The following RPL19 variants were observed in gnomAD, a reference collection of about 807,000 sequenced individuals.
The protein encoded by RPL19 is large ribosomal subunit protein eL19.
Under a neutral mutation model 25.1 loss-of-function variants are expected in RPL19, and 2 were observed. That is an observed-to-expected ratio of 0.08 (90% CI 0.03 to 0.25). RPL19 has a LOEUF of 0.25. Among genes scored for constraint, RPL19 ranks in the 10% least tolerant of loss-of-function variants. The pLI, the probability that RPL19 is intolerant of heterozygous loss-of-function variation, is 1.00. For synonymous variants in RPL19, 89 were observed against 91.2 expected (o/e 0.98, Z 0.14); for missense variants, 123 against 271.8 (o/e 0.45, Z 3.85).
chr17:39,201,149 T>G (rs1408746356), intron 1 of RPL19, 64 bp from the exon 2 acceptor site: 2 of 1,074,072 alleles, frequency 1.9e-6, no homozygotes, highest in Non-Finnish European at 2.8e-6. Flanking sequence ...CAGGTCTTGA[T>G]GGGGACGTTC....
At chr17:39,203,147 C>G in intron 4 of RPL19, 38 bp downstream of exon 4, 1 of 1,230,692 alleles carries the variant, frequency 8.1e-7, no homozygotes. Flanking sequence ...CCATTTGCTG[C>G]TTTGATGGCT....
At chr17:39,200,468 C>T (rs994915469) in intron 1 of RPL19, 119 bp downstream of exon 1, 7 of 1,218,636 alleles carry the variant, frequency 5.7e-6, no homozygotes, top group Admixed American at 4.4e-5. Context: ...CGGCCGGTCC[C>T]GGGGTTTGGG....
At position 39,204,709 on chromosome 17, in the gene RPL19, A is replaced by T; in HGVS notation, c.*61A>T. ...GATTACATAGATCAGCCATTAAAAT[A>T]AAACAAGCCTTAATCTGCCTTCCTC... On this transcript the variant is annotated 3_prime_UTR_variant, in exon 6 of 6. Coordinates refer to ENST00000225430, the MANE Select transcript of RPL19 (RefSeq NM_000981.4). The T allele has an allele frequency of 1.9e-6, 3 of 1,544,242 alleles. No individual in the cohort carries two copies. The highest frequency in any genetic ancestry group is 2.7e-6 in the Non-Finnish European group (3 of 1,127,956).
chr17:39,204,541 C>T lies in RPL19; in HGVS notation c.484C>T (p.Arg162Cys). 1 of 1,614,140 alleles carries T rather than the reference C, an allele frequency of 6.2e-7. No homozygotes were observed. The highest frequency in any genetic ancestry group is 8.5e-7 in the Non-Finnish European group (1 of 1,180,012). The change falls in exon 6 of 6, where the codon CGC becomes TGC. Residue 162 changes from arginine to cysteine, a missense_variant. Arg to Cys is a radical substitution (Grantham distance 180). Coordinates refer to ENST00000225430, the MANE Select transcript of RPL19 (RefSeq NM_000981.4). ...KKLLADQAEA[R>C]RSKTKEARKR... is the part of the protein sequence containing the mutation. ...CCTGACCAGTGACCAGGCTGAGGCCCGCAGGTCTAAGACCAAGGAAGCACG... is the reference window on the plus strand; with the variant it reads ...CCTGACCAGTGACCAGGCTGAGGCCTGCAGGTCTAAGACCAAGGAAGCACG...
At chr17:39,201,704 C>T (rs1423732331) in intron 2 of RPL19, among the ~76,000 whole-genome samples, 1 of 152,118 alleles carries the variant, frequency 6.6e-6, no homozygotes, top group African/African-American at 2.4e-5. Flanking sequence ...TCCCAAGTAG[C>T]TGGGACTAAG....
At chr17:39,200,437 G>T in intron 1 of RPL19, 88 bp downstream of exon 1, 1 of 1,312,052 alleles carries the variant, frequency 7.6e-7, no homozygotes, top group Non-Finnish European at 9.8e-7. Context: ...TGGGGGAGAT[G>T]AAATGGAGGC....
intron 5 of RPL19, among the ~76,000 whole-genome samples, 161 bp downstream of exon 5, chr17:39,204,348 C>G (rs1031300337): frequency 6.6e-6 from 1 of 152,216 alleles, no homozygotes; most frequent in East Asian, 1.9e-4. Flanking sequence ...CCTGTACACA[C>G]CCACTCTTCC....
At chr17:39,204,049 G>A in intron 4 of RPL19, 28 bp from the exon 5 acceptor site, 2 of 1,301,916 alleles carry the variant, frequency 1.5e-6, no homozygotes, top group Non-Finnish European at 1.1e-6. Context: ...TCACCAACCA[G>A]CATCTCTTCA....
intron 2 of RPL19, 81 bp downstream of exon 2, chr17:39,201,400 C>CT (rs111516501): frequency 0.14 from 81,083 of 599,788 alleles, 6 homozygotes; most frequent in South Asian, 0.17. Flanking sequence ...ATTGTGTTGA[C>CT]TTTTTTTTTT....
intron 3 of RPL19, chr17:39,202,746 C>CACCCACATT (rs144132527): frequency 0.31 from 181,935 of 585,400 alleles, 31,285 homozygotes; most frequent in South Asian, 0.46. Context: ...CTGCCTGTTA[C>CACCCACATT]ACCCACATTC....
intron 5 of RPL19, 50 bp downstream of exon 5, chr17:39,204,237 T>C: frequency 8.4e-7 from 1 of 1,189,678 alleles, no homozygotes; most frequent in Non-Finnish European, 1.3e-6. Context: ...CCTTTGAGAG[T>C]TGTTCTTAGA....
At chr17:39,203,591 A>G (rs9914689) in intron 4 of RPL19, among the ~76,000 whole-genome samples, 22,924 of 151,460 alleles carry the variant, frequency 0.15, 2,146 homozygotes, top group African/African-American at 0.25. Context: ...GTTCACTGCA[A>G]TCTGCTTTCG....
At chr17:39,202,239 G>A in intron 2 of RPL19, 78 bp from the exon 3 acceptor site, 1 of 1,570,400 alleles carries the variant, frequency 6.4e-7, no homozygotes, top group African/African-American at 1.3e-5. Flanking sequence ...TGTGAGCAGT[G>A]TCTCTGGCCT....
intron 1 of RPL19, 166 bp downstream of exon 1, chr17:39,200,515 GA>G (rs2046279005): frequency 1.5e-6 from 2 of 1,295,200 alleles, no homozygotes; most frequent in Non-Finnish European, 2.0e-6. Flanking sequence ...CCTCCGGAGT[GA>G]GGGGGGGCGG....
intron 4 of RPL19, among the ~76,000 whole-genome samples, chr17:39,203,852 CT>C (rs1313883535): frequency 6.6e-6 from 1 of 152,126 alleles, no homozygotes; most frequent in Non-Finnish European, 1.5e-5. Flanking sequence ...TCTGGTCTTT[CT>C]TTTTTTCCCT....
intron 1 of RPL19, 68 bp downstream of exon 1, chr17:39,200,417 C>T: frequency 6.9e-7 from 1 of 1,454,774 alleles, no homozygotes; most frequent in East Asian, 2.7e-5. Flanking sequence ...CTTGGGACCG[C>T]AGCTGGGGTT....
chr17:39,200,390 G>C, intron 1 of RPL19, 41 bp downstream of exon 1: 1 of 1,533,182 alleles, frequency 6.5e-7, no homozygotes, highest in Non-Finnish European at 8.8e-7. Flanking sequence ...GACGCGTGTC[G>C]ACAAGGGACT....
chr17:39,204,235 A>G (rs1207419399), intron 5 of RPL19, 48 bp downstream of exon 5: 2 of 1,188,934 alleles, frequency 1.7e-6, no homozygotes, highest in Non-Finnish European at 2.5e-6. Flanking sequence ...GACCTTTGAG[A>G]GTTGTTCTTA....
Position 39,200,334 on chromosome 17 carries a change from C to T in RPL19, c.-11C>T, listed in dbSNP as rs753209517. On this transcript the variant is annotated 5_prime_UTR_variant, in exon 1 of 6. Transcript: ENST00000225430. Reference sequence around the variant, plus strand: ...AGCGAGCTCTTTCCTTTCGCTGCTGCGGCCGCAGCCATGAGGTGAGGGCGA... The same window carrying T: ...AGCGAGCTCTTTCCTTTCGCTGCTGTGGCCGCAGCCATGAGGTGAGGGCGA... 1 of 1,556,690 alleles carries T rather than the reference C, an allele frequency of 6.4e-7. No homozygotes were observed. Among genetic ancestry groups the T allele is most frequent in the Non-Finnish European group, 8.7e-7 (1 of 1,153,560 alleles).
Sources: allele counts gnomAD v4.1 joint callset (sites outside exome capture counted in the v4.1 genomes callset), GRCh38; gene constraint gnomAD v4.1.1; transcripts MANE v1.5; gene names NCBI Gene and HGNC (gene_info 2026-07-23, HGNC 2026-07-21).